COMMD10: variants seen among roughly 807,000 people sequenced by gnomAD.
COMMD10 encodes COMM domain containing 10.
COMMD10 carries 33 observed loss-of-function variants against 28.9 expected under a neutral mutation model. That is an observed-to-expected ratio of 1.14 (90% confidence interval 0.87 to 1.53). The LOEUF is 1.53. Among genes scored for constraint, COMMD10 ranks in the 40% most tolerant of loss-of-function variants. The probability of loss-of-function intolerance (pLI) is 0.00; values close to 1 mark genes in which losing one functional copy is unlikely to be tolerated. For missense variants in COMMD10, 310 were observed against 233.4 expected, an observed-to-expected ratio of 1.33 and a Z score of -2.14; for synonymous variants, 110 against 81.7, an observed-to-expected ratio of 1.35 and a Z score of -1.87.
intron 4 of COMMD10, among the ~76,000 whole-genome samples, chr5:116,115,984 A>G (rs1035187193): frequency 1.3e-5 from 2 of 152,162 alleles, no homozygotes; most frequent in Non-Finnish European, 2.9e-5. Flanking sequence ...TCTAGTTTGA[A>G]TGTTTAGAAT....
At chr5:116,185,296 T>A (rs145137999) in intron 5 of COMMD10, among the ~76,000 whole-genome samples, 2 of 152,086 alleles carry the variant, frequency 1.3e-5, no homozygotes, top group African/African-American at 4.8e-5. Flanking sequence ...CTTCTAGATA[T>A]AAATATGTGG....
intron 5 of COMMD10, among the ~76,000 whole-genome samples, chr5:116,245,858 A>T (rs1749938674): frequency 6.6e-6 from 1 of 152,274 alleles, no homozygotes; most frequent in South Asian, 2.1e-4. Context: ...GTCTTCTATG[A>T]CAAACCCACA....
chr5:116,224,499 A>G lies in COMMD10; in HGVS notation c.511-67018A>G, dbSNP rs373122166. On this transcript the variant is annotated intron_variant, in intron 5 of 6. Coordinates refer to ENST00000274458, the MANE Select transcript of COMMD10 (RefSeq NM_016144.4). Reference sequence around the variant, plus strand: ...CTGGTAAGGCCTCAGGAAGCTTACAATCATGGTGGAAGGCAAAAGGGGAGT... The same window carrying G: ...CTGGTAAGGCCTCAGGAAGCTTACAGTCATGGTGGAAGGCAAAAGGGGAGT... Among the ~76,000 whole-genome samples the G allele has an allele frequency of 2.0e-5, 3 of 152,206 alleles. No individual in the cohort carries two copies. The East Asian group carries it at 5.8e-4, about 29-fold the overall frequency.
chr5:116,157,084 G>A (rs1021195902), intron 5 of COMMD10, among the ~76,000 whole-genome samples: 2 of 151,978 alleles, frequency 1.3e-5, no homozygotes, highest in South Asian at 2.1e-4. Context: ...CCGATTTTTT[G>A]TTGCTACATA....
chr5:116,113,882 C>G (rs979949150), intron 4 of COMMD10, among the ~76,000 whole-genome samples: 1 of 151,728 alleles, frequency 6.6e-6, no homozygotes, highest in African/African-American at 2.4e-5. Flanking sequence ...TTTTTATGTT[C>G]ATTCTAGCAC....
chr5:116,110,441 T>C (rs1751006618), intron 4 of COMMD10, among the ~76,000 whole-genome samples: 1 of 152,160 alleles, frequency 6.6e-6, no homozygotes, highest in African/African-American at 2.4e-5. Flanking sequence ...TTACAAGAAT[T>C]GGTATTAGTT....
At chr5:116,154,731 CTTTTCTTTTTCT>C (rs962024979) in intron 5 of COMMD10, among the ~76,000 whole-genome samples, 3 of 152,020 alleles carry the variant, frequency 2.0e-5, no homozygotes, top group Non-Finnish European at 2.9e-5. Flanking sequence ...ACAGAACTTA[CTTTTCTTTTTCT>C]TTTTCTTTTT....
At chr5:116,178,121 A>G (rs2112591899) in intron 5 of COMMD10, among the ~76,000 whole-genome samples, 1 of 152,248 alleles carries the variant, frequency 6.6e-6, no homozygotes, top group African/African-American at 2.4e-5. Flanking sequence ...TAGCTGTATG[A>G]TAGATAAAGC....
chr5:116,220,652 A>C (rs1254373278), intron 5 of COMMD10, among the ~76,000 whole-genome samples: 1 of 152,212 alleles, frequency 6.6e-6, no homozygotes, highest in African/African-American at 2.4e-5. Flanking sequence ...CTGTTATTCC[A>C]CATTTTCAAA....
chr5:116,096,995 T>C (rs1750489552), intron 4 of COMMD10, among the ~76,000 whole-genome samples: 1 of 152,142 alleles, frequency 6.6e-6, no homozygotes, highest in African/African-American at 2.4e-5. Flanking sequence ...CCTTGCACTT[T>C]AGTAGTCATA....
chr5:116,282,221 C>T (rs1224342042), intron 5 of COMMD10, among the ~76,000 whole-genome samples: 1 of 151,812 alleles, frequency 6.6e-6, no homozygotes, highest in Non-Finnish European at 1.5e-5. Flanking sequence ...TACCCTTCAT[C>T]CCAATTCAAG....
intron 2 of COMMD10, among the ~76,000 whole-genome samples, chr5:116,089,581 C>T (rs1750230711): frequency 6.6e-6 from 1 of 152,174 alleles, no homozygotes; most frequent in Non-Finnish European, 1.5e-5. Context: ...CTTTGACACT[C>T]TCAGTCATGT....
chr5:116,279,399 T>C (rs1022124377), intron 5 of COMMD10, among the ~76,000 whole-genome samples: 1 of 151,940 alleles, frequency 6.6e-6, no homozygotes, highest in African/African-American at 2.4e-5. Context: ...GTGTATTCCA[T>C]GTATTTGTTG....
chr5:116,191,682 C>T (rs1043442098), intron 5 of COMMD10, among the ~76,000 whole-genome samples: 1 of 151,834 alleles, frequency 6.6e-6, no homozygotes, highest in East Asian at 2.0e-4. Context: ...AGCCCTGCCC[C>T]CACTTGATGG....
intron 4 of COMMD10, among the ~76,000 whole-genome samples, chr5:116,098,937 C>T (rs747579914): frequency 5.3e-5 from 8 of 152,138 alleles, no homozygotes; most frequent in Non-Finnish European, 1.0e-4. Context: ...ACATATCTGT[C>T]ACCACACAGT....
intron 5 of COMMD10, among the ~76,000 whole-genome samples, chr5:116,228,032 T>C (rs1207963539): frequency 6.6e-6 from 1 of 152,018 alleles, no homozygotes; most frequent in East Asian, 1.9e-4. Flanking sequence ...AAATCTTTTA[T>C]AGGAAACAGG....
At chr5:116,167,709 A>G (rs1343092893) in intron 5 of COMMD10, among the ~76,000 whole-genome samples, 1 of 152,218 alleles carries the variant, frequency 6.6e-6, no homozygotes, top group Non-Finnish European at 1.5e-5. Flanking sequence ...TTTTCAACCC[A>G]GAATTTCCTA....
intron 4 of COMMD10, among the ~76,000 whole-genome samples, chr5:116,103,832 G>GT (rs1750744104): frequency 6.6e-6 from 1 of 152,154 alleles, no homozygotes; most frequent in African/African-American, 2.4e-5. Context: ...TGTATAAGGT[G>GT]TAAGGAAGGG....
At chr5:116,242,817 G>A (rs72806917) in intron 5 of COMMD10, among the ~76,000 whole-genome samples, 8,056 of 152,132 alleles carry the variant, frequency 0.053, 296 homozygotes, top group East Asian at 0.14. Context: ...TAGAATGAAG[G>A]GGTAAAAGTG....
Sources: allele counts gnomAD v4.1 joint callset (sites outside exome capture counted in the v4.1 genomes callset), GRCh38; gene constraint gnomAD v4.1.1; transcripts MANE v1.5; gene names NCBI Gene and HGNC (gene_info 2026-07-23, HGNC 2026-07-21).